INO80D: variants seen among roughly 807,000 people sequenced by gnomAD.
The protein encoded by INO80D is INO80 complex subunit D.
In INO80D, 21 loss-of-function variants were observed where a neutral mutation model predicts 87.6. That is an observed-to-expected ratio of 0.24 (90% CI 0.17 to 0.35). INO80D has a LOEUF of 0.35. Among genes scored for constraint, INO80D ranks in the 10% least tolerant of loss-of-function variants. INO80D has a pLI of 1.00. For synonymous variants in INO80D, 440 were observed against 491.0 expected (o/e 0.90, Z 1.37); for missense variants, 982 against 1,280.7 (o/e 0.77, Z 3.56).
chr2:206,049,958 C>T (rs1414364101), intron 4 of INO80D, among the ~76,000 whole-genome samples: 1 of 151,216 alleles, frequency 6.6e-6, no homozygotes, highest in Non-Finnish European at 1.5e-5. Context: ...GTGGTGAAAC[C>T]CCATCTCTAC....
intron 5 of INO80D, among the ~76,000 whole-genome samples, chr2:206,039,996 C>CA (rs1322208946): frequency 1.3e-5 from 2 of 150,842 alleles, no homozygotes; most frequent in African/African-American, 4.9e-5. Flanking sequence ...AAACTTCCCA[C>CA]AAAAAAAAGC....
intron 9 of INO80D, chr2:206,007,988 G>GC (rs1688071235): frequency 6.8e-6 from 1 of 146,518 alleles, no homozygotes; most frequent in African/African-American, 2.5e-5. Flanking sequence ...TGTCTTCTAG[G>GC]TTTTTTTTTT....
At chr2:206,020,357 G>A (rs886934063) in intron 6 of INO80D, among the ~76,000 whole-genome samples, 6 of 152,104 alleles carry the variant, frequency 3.9e-5, no homozygotes, top group African/African-American at 9.7e-5. Context: ...CTTATATACA[G>A]TATATAGTAT....
chr2:206,030,449 C>G (rs993752577), intron 5 of INO80D, among the ~76,000 whole-genome samples: 3 of 143,182 alleles, frequency 2.1e-5, no homozygotes, highest in African/African-American at 7.6e-5. Flanking sequence ...GGTGACAGAG[C>G]AAGACTTTGT....
intron 5 of INO80D, among the ~76,000 whole-genome samples, chr2:206,042,002 C>T (rs1431216979): frequency 3.9e-5 from 6 of 151,902 alleles, no homozygotes; most frequent in Non-Finnish European, 8.8e-5. Context: ...TGTGGTAGCA[C>T]ACGCCTATGA....
In INO80D at chr2:206,028,157, C is replaced by A. The variant is rs921549200; in HGVS notation, c.1252G>T (p.Gly418Cys). The change falls in exon 6 of 11, where the codon GGT becomes TGT. Residue 418 changes from glycine to cysteine, a missense_variant. Transcript: ENST00000403263. The stretch of plus-strand genomic sequence containing the variant: ...CTCCGCAGTTCTTGTATTAACTGAC[C>A]AGTGCATTCTGGTTCTTTACTGGCC... ...QAASKEPECT[G>C]QLIQELRRAA... 1 of 1,573,084 alleles carries A rather than the reference C, an allele frequency of 6.4e-7. No homozygotes were observed. The highest frequency in any genetic ancestry group is 1.4e-5 in the African/African-American group (1 of 73,972).
At chr2:206,008,808 T>A (rs1382135993) in intron 9 of INO80D, among the ~76,000 whole-genome samples, 1 of 152,246 alleles carries the variant, frequency 6.6e-6, no homozygotes, top group Admixed American at 6.5e-5. Context: ...GTATCAAGTG[T>A]GTCTTAATGC....
intron 8 of INO80D, among the ~76,000 whole-genome samples, chr2:206,011,241 C>G (rs12466656): frequency 0.27 from 41,176 of 152,094 alleles, 6,681 homozygotes; most frequent in Non-Finnish European, 0.36. Context: ...GGCTTTCCCT[C>G]CAGCACCAGT....
At chr2:206,025,641 A>G (rs1207739681) in intron 6 of INO80D, 2 of 150,022 alleles carry the variant, frequency 1.3e-5, no homozygotes, top group African/African-American at 2.4e-5. Flanking sequence ...ACAACCAGTT[A>G]GTTACAGATT....
At position 206,085,069 on chromosome 2, in the gene INO80D, G is replaced by A. The variant is rs1690402123; in HGVS notation, c.-124+832C>T. ...TACCTTCTTCAATGGACAGGAACTG[G>A]CAAAGAGTTTCAAAATAGCCGAGTG... On this transcript the variant is annotated intron_variant, in intron 1 of 10. Transcript: ENST00000403263. This position sits in a 1 kb window ranked among gnomAD's most constrained non-coding sequence, Gnocchi z 4.5. Among the ~76,000 whole-genome samples the A allele has an allele frequency of 6.6e-6, 1 of 152,064 alleles. No homozygotes were observed.
chr2:206,033,352 CAATA>C (rs1688817184), intron 5 of INO80D, among the ~76,000 whole-genome samples: 1 of 152,116 alleles, frequency 6.6e-6, no homozygotes, highest in South Asian at 2.1e-4. Context: ...AAATGAGCCT[CAATA>C]AATTTAGGAA....
chr2:206,065,772 C>A (rs1689799340), intron 1 of INO80D, among the ~76,000 whole-genome samples: 1 of 152,070 alleles, frequency 6.6e-6, no homozygotes, highest in South Asian at 2.1e-4. Context: ...AAATGGCTAA[C>A]AAATATTTGG....
At chr2:206,078,935 T>A (rs923964741) in intron 1 of INO80D, among the ~76,000 whole-genome samples, 1 of 152,106 alleles carries the variant, frequency 6.6e-6, no homozygotes, top group Non-Finnish European at 1.5e-5. Flanking sequence ...AGTGAGACTT[T>A]GTCTCAAAAA....
chr2:206,052,687 G>A (rs1033880058), intron 4 of INO80D, among the ~76,000 whole-genome samples: 3 of 151,870 alleles, frequency 2.0e-5, no homozygotes, highest in Non-Finnish European at 4.4e-5. Context: ...AGTGACTTGG[G>A]AAGCTGAGGT....
intron 10 of INO80D, 55 bp from the exon 11 acceptor site, chr2:206,005,588 C>A: frequency 1.6e-6 from 2 of 1,264,446 alleles, no homozygotes; most frequent in South Asian, 1.4e-5. Context: ...TTCTACATCA[C>A]AAAAATCACA....
intron 3 of INO80D, among the ~76,000 whole-genome samples, chr2:206,058,156 C>T (rs1038216407): frequency 2.0e-5 from 3 of 152,194 alleles, no homozygotes; most frequent in African/African-American, 7.2e-5. Flanking sequence ...CACAATGGCT[C>T]ATGCCTGTAA....
intron 8 of INO80D, among the ~76,000 whole-genome samples, chr2:206,014,820 A>G (rs817996): frequency 0.33 from 50,558 of 152,024 alleles, 8,983 homozygotes; most frequent in South Asian, 0.59. Context: ...AAGAAGACAG[A>G]AAAATGTGGG....
intron 1 of INO80D, among the ~76,000 whole-genome samples, chr2:206,081,768 A>AAAAAGAAAG (rs371153818): frequency 6.8e-6 from 1 of 147,068 alleles, no homozygotes; most frequent in East Asian, 2.0e-4. Context: ...AAAAAAAAAA[A>AAAAAGAAAG]AAAGAAAGAA....
intron 6 of INO80D, among the ~76,000 whole-genome samples, chr2:206,026,236 A>G (rs1688612415): frequency 6.6e-6 from 1 of 152,104 alleles, no homozygotes; most frequent in Admixed American, 6.5e-5. Context: ...AGTGCTTTAA[A>G]TGTGTATTTC....
Sources: allele counts gnomAD v4.1 joint callset (sites outside exome capture counted in the v4.1 genomes callset), GRCh38; gene constraint gnomAD v4.1.1; non-coding constraint Gnocchi (gnomAD v3.1); transcripts MANE v1.5; gene names NCBI Gene and HGNC (gene_info 2026-07-23, HGNC 2026-07-21).